The following DNAJC10 variants were observed in gnomAD, a reference collection of about 807,000 sequenced individuals.
The protein encoded by DNAJC10 is DnaJ heat shock protein family (Hsp40) member C10.
Under a neutral mutation model 115.0 loss-of-function variants are expected in DNAJC10, and 101 were observed. The ratio of observed to expected loss-of-function variants is 0.88; its 90% CI spans 0.75 to 1.04. The LOEUF (loss-of-function observed/expected upper bound fraction) is 1.04, where lower values mean the gene tolerates loss of function less well. DNAJC10 is among the 50% of genes least tolerant of loss of function. The pLI is 0.00. For synonymous variants in DNAJC10, 307 were observed against 301.5 expected (o/e 1.02, Z -0.19); for missense variants, 981 against 928.8 (o/e 1.06, Z -0.73).
In DNAJC10 at chr2:182,757,726, A is replaced by AT. The variant is rs763451905; in HGVS notation, c.1846dup (p.Cys616LeufsTer18). The AT allele has an allele frequency of 1.2e-6, 2 of 1,600,890 alleles. No homozygotes were observed. The highest frequency in any genetic ancestry group is 1.7e-5 in the Admixed American group (1 of 57,766). ...GGACTGATCAACGTGGGCAGTATAG[A>AT]TTGCCAACAGTATCATTCTTTTTGT... On this transcript the variant is annotated frameshift_variant, in exon 19 of 24. Coordinates refer to ENST00000264065, the MANE Select transcript of DNAJC10 (RefSeq NM_018981.4). LOFTEE classifies it high-confidence loss of function.
At position 182,756,547 on chromosome 2, in the gene DNAJC10, G is replaced by A. The variant is rs111978835; in HGVS notation, c.1809+78G>A. On this transcript the variant is annotated intron_variant, in intron 18 of 23. Transcript: ENST00000264065. ...TTAACAGAATTATTTTGAAACGGATGTGAATGAACCCACAACTAAATTATT... is the reference window on the plus strand; with the variant it reads ...TTAACAGAATTATTTTGAAACGGATATGAATGAACCCACAACTAAATTATT... The A allele has an allele frequency of 1.1e-4, 158 of 1,374,242 alleles. 1 individual carries two copies. In the African/African-American group the frequency reaches 2.1e-3, roughly 18 times the overall value. 85.1% of individuals were successfully genotyped at this position (1,374,242 alleles called of 1,614,324 possible). A position where few individuals can be genotyped will look rare whatever the true frequency, so the allele number is the denominator to read the frequency against.
Position 182,728,955 on chromosome 2 carries a change from C to G in DNAJC10, c.594C>G (p.Val198=). The change falls in exon 7 of 24, where the codon GTC becomes GTG. Residue 198 remains valine, a synonymous_variant. Coordinates refer to ENST00000264065, the MANE Select transcript of DNAJC10 (RefSeq NM_018981.4). ...DDRMLCRMKG[V]NSYPSLFIFR... ...GAATGCTTTGCCGAATGAAAGGAGT[C>G]AACAGCTATCCCAGCCTCTTCATTT... 6.2e-7 allele frequency: 1 copy of G among 1,613,946 alleles called. No individual in the cohort carries two copies.
chr2:182,747,657 C>T (rs1245036527), intron 14 of DNAJC10, among the ~76,000 whole-genome samples: 1 of 151,866 alleles, frequency 6.6e-6, no homozygotes, highest in African/African-American at 2.4e-5. Context: ...TCTAGATATA[C>T]AATCATGTCG....
At chr2:182,751,898 T>G in intron 15 of DNAJC10, 113 bp downstream of exon 15, 1 of 1,375,514 alleles carries the variant, frequency 7.3e-7, no homozygotes, top group Non-Finnish European at 1.0e-6. Flanking sequence ...TGTCATTCCA[T>G]TATGGCCACT....
At chr2:182,728,207 T>G (rs1335096083) in intron 5 of DNAJC10, among the ~76,000 whole-genome samples, 1 of 152,196 alleles carries the variant, frequency 6.6e-6, no homozygotes, top group African/African-American at 2.4e-5. Context: ...TTTATTTCTC[T>G]CATGCACACA....
At chr2:182,768,519 GAAT>G (rs1423168239) in intron 22 of DNAJC10, among the ~76,000 whole-genome samples, 2 of 152,186 alleles carry the variant, frequency 1.3e-5, no homozygotes, top group Non-Finnish European at 2.9e-5. Flanking sequence ...GGCCAAAGCA[GAAT>G]AATGGTTGGA....
At chr2:182,727,291 A>G (rs577373851) in intron 5 of DNAJC10, among the ~76,000 whole-genome samples, 2 of 152,272 alleles carry the variant, frequency 1.3e-5, no homozygotes, top group East Asian at 3.9e-4. Flanking sequence ...GTTTTACAGC[A>G]TATTTTTATT....
rs1694989326 is a variant in DNAJC10, at chr2:182,788,424, A to T, written c.*11292A>T. ...CTATGTACCTGTTACCACTTGCAGA[A>T]ATCAACAGACAAGGTGGATGAGAAC... On this transcript the variant is annotated 3_prime_UTR_variant, in exon 24 of 24. Transcript: ENST00000264065. 4.6e-6 allele frequency: 1 copy of T among 218,266 alleles called. No individual in the cohort carries two copies. Among genetic ancestry groups the T allele is most frequent in the Non-Finnish European group, 9.1e-6 (1 of 110,034 alleles). The allele number at this position is 218,266 out of a possible 1,614,324, so 13.5% of individuals were successfully genotyped here. A position where few individuals can be genotyped will look rare whatever the true frequency, so the allele number is the denominator to read the frequency against.
At chr2:182,736,454 T>G (rs1693587561) in intron 11 of DNAJC10, 68 bp downstream of exon 11, 10 of 1,192,564 alleles carry the variant, frequency 8.4e-6, no homozygotes, top group Middle Eastern at 2.6e-4. Context: ...AATACATTAT[T>G]TTTGTAAGCA....
chr2:182,770,775 A>G (rs190628161), intron 22 of DNAJC10, among the ~76,000 whole-genome samples: 1 of 152,134 alleles, frequency 6.6e-6, no homozygotes, highest in East Asian at 1.9e-4. Flanking sequence ...TGACTTCCTC[A>G]TTTCCTAATT....
chr2:182,724,356 A>G (rs1479039056), intron 5 of DNAJC10, among the ~76,000 whole-genome samples: 2 of 152,190 alleles, frequency 1.3e-5, no homozygotes, highest in African/African-American at 4.8e-5. Flanking sequence ...AATTTTACTC[A>G]CTTAAAAAAT....
chr2:182,760,714 C>G (rs1461858736), intron 21 of DNAJC10, among the ~76,000 whole-genome samples: 1 of 152,096 alleles, frequency 6.6e-6, no homozygotes, highest in Non-Finnish European at 1.5e-5. Flanking sequence ...GTATAAAACA[C>G]TCAACTGGAA....
intron 22 of DNAJC10, among the ~76,000 whole-genome samples, chr2:182,767,727 G>A (rs925704104): frequency 3.3e-5 from 5 of 152,110 alleles, no homozygotes; most frequent in Non-Finnish European, 7.4e-5. Context: ...CGTCCACCAA[G>A]TATTTATTGA....
chr2:182,743,839 G>A, intron 14 of DNAJC10, 127 bp downstream of exon 14: 2 of 642,536 alleles, frequency 3.1e-6, no homozygotes, highest in South Asian at 2.0e-5. Context: ...CAGTAAATAT[G>A]AGGACAGATA....
chr2:182,756,546 T>A, intron 18 of DNAJC10, 77 bp downstream of exon 18: 1 of 1,394,430 alleles, frequency 7.2e-7, no homozygotes, highest in Non-Finnish European at 9.8e-7. Flanking sequence ...TTGAAACGGA[T>A]GTGAATGAAC....
rs1695069841 is a variant in DNAJC10 at position 182,792,507 on chromosome 2, G to C, written c.*15375G>C. The C allele has an allele frequency of 1.3e-5, 2 of 152,164 alleles. No individual in the cohort carries two copies. Among genetic ancestry groups the C allele is most frequent in the African/African-American group, 4.8e-5 (2 of 41,434 alleles). The allele number at this position is 152,164 out of a possible 1,614,324, so 9.4% of individuals were successfully genotyped here. Reference sequence around the variant, plus strand: ...TTCACAAAAGTCCCATCTGATAAATGTATTGTTTAACCTCTCATTGTTTGA... The same window carrying C: ...TTCACAAAAGTCCCATCTGATAAATCTATTGTTTAACCTCTCATTGTTTGA... On this transcript the variant is annotated 3_prime_UTR_variant, in exon 24 of 24. Transcript: ENST00000264065.
chr2:182,758,320 G>A (rs949298111), intron 19 of DNAJC10, among the ~76,000 whole-genome samples: 1 of 152,156 alleles, frequency 6.6e-6, no homozygotes, highest in African/African-American at 2.4e-5. Flanking sequence ...CACCCATGCT[G>A]TTTCCACAAC....
At chr2:182,773,092 T>C (rs971741599) in intron 22 of DNAJC10, among the ~76,000 whole-genome samples, 1 of 152,228 alleles carries the variant, frequency 6.6e-6, no homozygotes, top group South Asian at 2.1e-4. Flanking sequence ...CCTTCACTTA[T>C]GAAGCTTAGT....
At chr2:182,765,519 G>C (rs1694388275) in intron 22 of DNAJC10, among the ~76,000 whole-genome samples, 1 of 152,268 alleles carries the variant, frequency 6.6e-6, no homozygotes, top group Non-Finnish European at 1.5e-5. Flanking sequence ...AGTTTCCCCA[G>C]TTACCACCAG....
Sources: allele counts gnomAD v4.1 joint callset (sites outside exome capture counted in the v4.1 genomes callset), GRCh38; gene constraint gnomAD v4.1.1; transcripts MANE v1.5; gene names NCBI Gene and HGNC (gene_info 2026-07-23, HGNC 2026-07-21).